Variants in TMEM132D observed in about 807,000 individuals in gnomAD.
TMEM132D encodes mature OL transmembrane protein.
Under a neutral mutation model 62.3 loss-of-function variants are expected in TMEM132D, and 21 were observed. That is an observed-to-expected ratio of 0.34 (90% CI 0.24 to 0.49). The LOEUF is 0.49. Ranked by LOEUF, TMEM132D falls within the 20% of genes least tolerant of loss-of-function variation. TMEM132D has a pLI of 0.99. For missense variants in TMEM132D, 1,346 were observed against 1,402.8 expected (o/e 0.96, Z 0.65); for synonymous variants, 621 against 575.6 (o/e 1.08, Z -1.13).
chr12:129,534,434 A>ATATATAT (rs561391305), intron 2 of TMEM132D, among the ~76,000 whole-genome samples: 4 of 150,066 alleles, frequency 2.7e-5, no homozygotes, highest in African/African-American at 7.3e-5. Flanking sequence ...TATATATATA[A>ATATATAT]AAATATATAA....
At chr12:129,721,045 A>C (rs138429060) in intron 1 of TMEM132D, among the ~76,000 whole-genome samples, 129 of 152,354 alleles carry the variant, frequency 8.5e-4, no homozygotes, top group Non-Finnish European at 1.6e-3. Flanking sequence ...GGTGCAGAGA[A>C]GTCCCCTGAG....
chr12:129,266,498 TC>T (rs1457502576), intron 4 of TMEM132D, among the ~76,000 whole-genome samples: 2 of 150,656 alleles, frequency 1.3e-5, no homozygotes, highest in Non-Finnish European at 3.0e-5. Context: ...CCCTCTTTTT[TC>T]CTTTCCCTTT....
intron 2 of TMEM132D, among the ~76,000 whole-genome samples, chr12:129,675,226 G>C (rs901031486): frequency 1.2e-4 from 19 of 152,266 alleles, no homozygotes; most frequent in Admixed American, 6.5e-4. Context: ...CTTTGCAGGG[G>C]CATGGATGAA....
chr12:129,146,409 T>C (rs1467687988), intron 5 of TMEM132D, among the ~76,000 whole-genome samples: 3 of 152,246 alleles, frequency 2.0e-5, no homozygotes, highest in South Asian at 2.1e-4. Flanking sequence ...ACTGGTTTTC[T>C]GGTATGTAAT....
rs535961664 is a variant in TMEM132D at position 129,828,609 on chromosome 12, C to A, written c.79+74652G>T. ...TGGCTACTCAAAAACATTTTATCCT[C>A]CCTGTGGGCTAATGAGAAGTAAGGA... On this transcript the variant is annotated intron_variant, in intron 1 of 8. Transcript: ENST00000422113. Among the ~76,000 whole-genome samples the A allele has an allele frequency of 1.1e-4, 15 of 137,976 alleles. No homozygotes were observed. The South Asian group carries it at 3.9e-3, about 35-fold the overall frequency. 90.5% of individuals were successfully genotyped at this position (137,976 alleles called of 152,430 possible).
chr12:129,208,082 C>G (rs752868148), intron 5 of TMEM132D, among the ~76,000 whole-genome samples: 1 of 152,110 alleles, frequency 6.6e-6, no homozygotes, highest in Admixed American at 6.5e-5. Flanking sequence ...TCATATCGCC[C>G]GTGACCGCCC....
chr12:129,655,409 G>C (rs901042157), intron 2 of TMEM132D, among the ~76,000 whole-genome samples: 4 of 151,830 alleles, frequency 2.6e-5, no homozygotes, highest in Non-Finnish European at 4.4e-5. Context: ...ACCATGCCCA[G>C]CTAATTTTTG....
chr12:129,740,629 C>T (rs1025608644), intron 1 of TMEM132D, among the ~76,000 whole-genome samples: 11 of 151,864 alleles, frequency 7.2e-5, no homozygotes, highest in African/African-American at 2.4e-4. Flanking sequence ...GAAAATATTC[C>T]AAGGCTTTCA....
chr12:129,547,428 G>T (rs908071770), intron 2 of TMEM132D, among the ~76,000 whole-genome samples: 2 of 152,096 alleles, frequency 1.3e-5, no homozygotes, highest in African/African-American at 4.8e-5. Context: ...AAGGAATACT[G>T]GACCTTGGGT....
chr12:129,505,511 G>T (rs773926340), intron 3 of TMEM132D, among the ~76,000 whole-genome samples: 6 of 152,260 alleles, frequency 3.9e-5, no homozygotes, highest in South Asian at 2.1e-4. Context: ...CCACGGTGCT[G>T]GGATTACAGG....
chr12:129,170,124 T>C (rs1056826618), intron 5 of TMEM132D: 1 of 152,214 alleles, frequency 6.6e-6, no homozygotes, highest in Non-Finnish European at 1.5e-5. Flanking sequence ...TCCAACTCCC[T>C]TTCTCATCTA....
At chr12:129,272,047 A>G (rs1439303573) in intron 4 of TMEM132D, among the ~76,000 whole-genome samples, 2 of 151,798 alleles carry the variant, frequency 1.3e-5, no homozygotes, top group Non-Finnish European at 2.9e-5. Context: ...AAGTGTTCCT[A>G]TTTCTCCACA....
chr12:129,870,552 C>G (rs556278940), intron 1 of TMEM132D, among the ~76,000 whole-genome samples: 1 of 152,286 alleles, frequency 6.6e-6, no homozygotes, highest in Non-Finnish European at 1.5e-5. Flanking sequence ...AGCGCAAAAG[C>G]TCGGCATCCC....
intron 3 of TMEM132D, among the ~76,000 whole-genome samples, chr12:129,469,812 A>C (rs1874041271): frequency 6.6e-6 from 1 of 152,226 alleles, no homozygotes; most frequent in Non-Finnish European, 1.5e-5. Flanking sequence ...CTTCAAAGTG[A>C]AATACAAAAA....
Position 129,818,230 on chromosome 12 carries a change from G to T in TMEM132D, c.79+85031C>A, listed in dbSNP as rs550609085. ...TATGAGTGTGTATCTGTGTGTATGT[G>T]GTTTGGGGTGTGTCTGTGTAGTGTG... On this transcript the variant is annotated intron_variant, in intron 1 of 8. Coordinates refer to ENST00000422113, the MANE Select transcript of TMEM132D (RefSeq NM_133448.3). Among the ~76,000 whole-genome samples the T allele has an allele frequency of 5.1e-4, 77 of 149,842 alleles. No individual in the cohort carries two copies. The Middle Eastern group carries it at 0.01, about 20-fold the overall frequency.
At chr12:129,842,655 G>C in intron 1 of TMEM132D, among the ~76,000 whole-genome samples, 1 of 152,018 alleles carries the variant, frequency 6.6e-6, no homozygotes, top group East Asian at 1.9e-4. Context: ...TTTCTGCAGA[G>C]ACAGGGTCTC....
At chr12:129,161,121 G>A (rs1877389027) in intron 5 of TMEM132D, among the ~76,000 whole-genome samples, 2 of 152,214 alleles carry the variant, frequency 1.3e-5, no homozygotes, top group Admixed American at 6.5e-5. Context: ...TGGTGGGTAT[G>A]TGCCTGCTTC....
chr12:129,791,461 AG>A (rs1456900785), intron 1 of TMEM132D, among the ~76,000 whole-genome samples: 1 of 152,230 alleles, frequency 6.6e-6, no homozygotes, highest in East Asian at 1.9e-4. Context: ...GCAAAACAGT[AG>A]AGAATAATAC....
At chr12:129,299,170 C>T (rs898929516) in intron 4 of TMEM132D, among the ~76,000 whole-genome samples, 5 of 152,044 alleles carry the variant, frequency 3.3e-5, no homozygotes, top group African/African-American at 4.8e-5. Flanking sequence ...CTGGAATTCT[C>T]GGGAGATAGG....
Sources: allele counts gnomAD v4.1 joint callset (sites outside exome capture counted in the v4.1 genomes callset), GRCh38; gene constraint gnomAD v4.1.1; transcripts MANE v1.5; gene names NCBI Gene and HGNC (gene_info 2026-07-23, HGNC 2026-07-21).